Variants in CDC42BPB observed in about 807,000 individuals in gnomAD.
The protein encoded by CDC42BPB is CDC42 binding protein kinase beta.
Under a neutral mutation model 214.9 loss-of-function variants are expected in CDC42BPB, and 37 were observed. The observed-to-expected ratio is 0.17, with a 90% CI of 0.13 to 0.23. The LOEUF (loss-of-function observed/expected upper bound fraction) is 0.23, where lower values mean the gene tolerates loss of function less well. Among genes scored for constraint, CDC42BPB ranks in the 10% least tolerant of loss-of-function variants. The pLI is 1.00. For missense variants in CDC42BPB, 1,694 were observed against 2,227.0 expected, an observed-to-expected ratio of 0.76 and a Z score of 4.82; for synonymous variants, 931 against 884.0, an observed-to-expected ratio of 1.05 and a Z score of -0.94.
chr14:103,044,142 A>G (rs1888159945), intron 1 of CDC42BPB, among the ~76,000 whole-genome samples: 1 of 152,200 alleles, frequency 6.6e-6, no homozygotes, highest in Non-Finnish European at 1.5e-5. Flanking sequence ...AAGCTGCTCT[A>G]TTAATAAACA....
At chr14:103,040,218 C>T (rs1040535765) in intron 1 of CDC42BPB, among the ~76,000 whole-genome samples, 5 of 151,802 alleles carry the variant, frequency 3.3e-5, no homozygotes, top group Non-Finnish European at 7.4e-5. Context: ...AGCCAGGCGT[C>T]GTGGCGGGTG....
intron 1 of CDC42BPB, among the ~76,000 whole-genome samples, chr14:103,053,549 C>G (rs546024812): frequency 2.6e-5 from 4 of 151,730 alleles, no homozygotes; most frequent in Non-Finnish European, 5.9e-5. Context: ...ATCACGAGGT[C>G]TGGAGATCGA....
At chr14:102,936,768 G>A (rs79192303) in intron 36 of CDC42BPB, among the ~76,000 whole-genome samples, 2,655 of 152,300 alleles carry the variant, frequency 0.017, 92 homozygotes, top group African/African-American at 0.061. Flanking sequence ...TACTACACAC[G>A]TGAACCGTGG....
At chr14:103,002,631 G>C (rs1895040626) in intron 4 of CDC42BPB, among the ~76,000 whole-genome samples, 1 of 152,114 alleles carries the variant, frequency 6.6e-6, no homozygotes, top group Non-Finnish European at 1.5e-5. Context: ...TTATGTGGAG[G>C]TGGCCCCAGA....
chr14:102,936,663 TTTA>T (rs1321436739), intron 36 of CDC42BPB, among the ~76,000 whole-genome samples: 2 of 152,174 alleles, frequency 1.3e-5, no homozygotes, highest in Non-Finnish European at 2.9e-5. Context: ...AAATGTCTTT[TTTA>T]TTATGTTTTA....
intron 1 of CDC42BPB, among the ~76,000 whole-genome samples, chr14:103,046,085 T>G (rs1422330817): frequency 6.6e-6 from 1 of 152,034 alleles, no homozygotes; most frequent in Admixed American, 6.6e-5. Flanking sequence ...CGCTCAGATC[T>G]CTGAAGGCCT....
chr14:102,939,952 A>G lies in CDC42BPB; in HGVS notation c.4592-5T>C. On this transcript the variant is annotated splice_polypyrimidine_tract_variant and splice_region_variant and intron_variant, in intron 32 of 36. Coordinates refer to ENST00000361246, the MANE Select transcript of CDC42BPB (RefSeq NM_006035.4). ...CCGGCACGTTGAGAACCGCTCCTGC[A>G]GAAGCAGAGCGCGCGGTGACGGTGC... 6.2e-7 allele frequency: 1 copy of G among 1,613,908 alleles called. No individual in the cohort carries two copies. Among genetic ancestry groups the G allele is most frequent in the East Asian group, 2.2e-5 (1 of 44,874 alleles).
At chr14:103,042,672 A>G (rs576494638) in intron 1 of CDC42BPB, among the ~76,000 whole-genome samples, 21 of 152,340 alleles carry the variant, frequency 1.4e-4, no homozygotes, top group Non-Finnish European at 2.9e-4. Flanking sequence ...AAGAAGATAT[A>G]CAAATGTCTA....
chr14:102,938,064 G>A, intron 36 of CDC42BPB, 40 bp downstream of exon 36: 20 of 1,602,826 alleles, frequency 1.2e-5, no homozygotes, highest in Non-Finnish European at 1.7e-5. Context: ...TCCTGCAGTG[G>A]TGGCTCATAG....
chr14:102,944,064 T>C lies in CDC42BPB; in HGVS notation c.4235A>G (p.Asn1412Ser), dbSNP rs751692127. The C allele has an allele frequency of 1.1e-5, 17 of 1,613,438 alleles. No homozygotes were observed. Among genetic ancestry groups the C allele is most frequent in the Admixed American group, 8.3e-5 (5 of 60,004 alleles). ...DGQPLNLVNP[N>S]DPSLAFLSQQ... ...TGAGAGGAACGCAAGCGAGGGGTCATTGGGATTTACCAGGTTTAGAGGCTG... is the reference window on the plus strand; with the variant it reads ...TGAGAGGAACGCAAGCGAGGGGTCACTGGGATTTACCAGGTTTAGAGGCTG... Residue 1412 changes from asparagine to serine, a missense_variant, in exon 30 of 37, where the codon AAT becomes AGT. By Grantham distance (46) the Asn-to-Ser change is conservative. Transcript: ENST00000361246. The surrounding 1 kb of genome is among the most constrained non-coding windows in gnomAD (Gnocchi z 6.6).
chr14:102,984,895 G>A (rs917287545), intron 6 of CDC42BPB, among the ~76,000 whole-genome samples: 1 of 152,246 alleles, frequency 6.6e-6, no homozygotes, highest in Non-Finnish European at 1.5e-5. Flanking sequence ...CCCTGCACGA[G>A]TGCGTGGCCA....
At chr14:102,977,359 A>G (rs868853711) in intron 9 of CDC42BPB, among the ~76,000 whole-genome samples, 5,030 of 150,258 alleles carry the variant, frequency 0.033, 301 homozygotes, top group African/African-American at 0.12. Context: ...AAAAAAAAAA[A>G]AAGAAGCATG....
chr14:102,967,757 A>G (rs1190030882), intron 16 of CDC42BPB, among the ~76,000 whole-genome samples: 2 of 152,234 alleles, frequency 1.3e-5, no homozygotes, highest in African/African-American at 4.8e-5. Flanking sequence ...ACAGTCTATC[A>G]TTGATGGAAG....
chr14:103,041,897 A>G, intron 1 of CDC42BPB: 1 of 418,906 alleles, frequency 2.4e-6, no homozygotes, highest in Non-Finnish European at 4.7e-6. Context: ...GAAGAACTGA[A>G]ACTGGCCACC....
chr14:103,056,116 C>T (rs757476628), intron 1 of CDC42BPB, among the ~76,000 whole-genome samples: 3 of 152,018 alleles, frequency 2.0e-5, no homozygotes, highest in Admixed American at 6.6e-5. Flanking sequence ...AATTTTTGTC[C>T]TAAAAAAGCA....
intron 1 of CDC42BPB, among the ~76,000 whole-genome samples, chr14:103,037,239 A>C (rs1887713907): frequency 6.6e-6 from 1 of 152,216 alleles, no homozygotes; most frequent in African/African-American, 2.4e-5. Context: ...GGAGACTTTC[A>C]CTTTTCGTGG....
chr14:102,961,162 G>GAATCAATCAATC (rs34666495), intron 20 of CDC42BPB, among the ~76,000 whole-genome samples: 37 of 149,648 alleles, frequency 2.5e-4, no homozygotes, highest in South Asian at 2.1e-4. Context: ...GCAAGACCCT[G>GAATCAATCAATC]AATCAATCAA....
chr14:103,046,745 C>G (rs1888311313), intron 1 of CDC42BPB, among the ~76,000 whole-genome samples: 1 of 151,992 alleles, frequency 6.6e-6, no homozygotes, highest in Non-Finnish European at 1.5e-5. Flanking sequence ...CCTCTGCCTC[C>G]TGGGTTCAAG....
In CDC42BPB at chr14:102,932,805, G is replaced by C. The variant is rs1177278600; in HGVS notation, c.*907C>G. ...CGTGGGCCGGGGCCAGTGTGCAGGA[G>C]TGTGTTGGGTGGGTCTACGTGATCA... On this transcript the variant is annotated 3_prime_UTR_variant, in exon 37 of 37. Coordinates refer to ENST00000361246, the MANE Select transcript of CDC42BPB (RefSeq NM_006035.4). 1.3e-5 allele frequency: 2 copies of C among 151,558 alleles called. No individual in the cohort carries two copies. The highest frequency in any genetic ancestry group is 2.4e-5 in the African/African-American group (1 of 41,072). 9.4% of individuals were successfully genotyped at this position (151,558 alleles called of 1,614,324 possible).
Sources: gnomAD v4.1 joint callset for allele counts (sites outside exome capture counted in the v4.1 genomes callset) on GRCh38, gnomAD v4.1.1 for gene constraint, Gnocchi (gnomAD v3.1) non-coding constraint, MANE v1.5 for transcripts, NCBI Gene and HGNC (gene_info 2026-07-23, HGNC 2026-07-21) for gene names.